The following STXBP5L variants were observed in gnomAD, a reference collection of about 807,000 sequenced individuals.
The protein encoded by STXBP5L is syntaxin binding protein 5L, also known as syntaxin-binding protein 5-like.
STXBP5L carries 65 observed loss-of-function variants against 144.5 expected under a neutral mutation model. The observed-to-expected ratio is 0.45, with a 90% CI of 0.37 to 0.55. The LOEUF (loss-of-function observed/expected upper bound fraction) is 0.55, where lower values mean the gene tolerates loss of function less well. STXBP5L is among the 20% of genes least tolerant of loss of function. The pLI is 0.00. For missense variants in STXBP5L, 1,298 were observed against 1,405.5 expected (o/e 0.92, Z 1.22); for synonymous variants, 505 against 469.6 (o/e 1.08, Z -0.97).
intron 3 of STXBP5L, among the ~76,000 whole-genome samples, chr3:120,961,576 A>T (rs1418857523): frequency 6.6e-6 from 1 of 152,196 alleles, no homozygotes; most frequent in African/African-American, 2.4e-5. Context: ...TTCCAGCTTC[A>T]TCCATGTCCC....
intron 20 of STXBP5L, among the ~76,000 whole-genome samples, chr3:121,348,907 A>G (rs1299308122): frequency 6.6e-6 from 1 of 152,034 alleles, no homozygotes; most frequent in African/African-American, 2.4e-5. Flanking sequence ...TCAAAAAACC[A>G]ACTCCTGGAT....
intron 3 of STXBP5L, among the ~76,000 whole-genome samples, chr3:120,990,805 C>G (rs1013897467): frequency 6.6e-6 from 1 of 152,162 alleles, no homozygotes; most frequent in African/African-American, 2.4e-5. Context: ...GGATCCCTTC[C>G]TTACACGTTA....
intron 3 of STXBP5L, among the ~76,000 whole-genome samples, chr3:120,959,780 T>C (rs1057413538): frequency 6.6e-6 from 1 of 152,140 alleles, no homozygotes; most frequent in African/African-American, 2.4e-5. Context: ...AATTAAATGT[T>C]AGACCTAAAA....
chr3:121,322,310 C>T (rs1262956664), intron 20 of STXBP5L, among the ~76,000 whole-genome samples: 1 of 152,026 alleles, frequency 6.6e-6, no homozygotes, highest in Non-Finnish European at 1.5e-5. Context: ...GAAACCCAGT[C>T]TCTACTAAAA....
At chr3:121,077,873 G>C (rs545916026) in intron 5 of STXBP5L, among the ~76,000 whole-genome samples, 84 of 152,144 alleles carry the variant, frequency 5.5e-4, no homozygotes, top group Middle Eastern at 3.4e-3. Context: ...GTGCTGATTG[G>C]TGTGTTTACA....
chr3:121,139,135 A>T (rs767781379), intron 7 of STXBP5L, among the ~76,000 whole-genome samples: 2 of 152,004 alleles, frequency 1.3e-5, no homozygotes, highest in East Asian at 3.9e-4. Flanking sequence ...ACAAAATTAC[A>T]TCTATATGGA....
chr3:120,969,559 C>A lies in STXBP5L; in HGVS notation c.287+14522C>A, dbSNP rs1411203419. On this transcript the variant is annotated intron_variant, in intron 3 of 26. Coordinates refer to ENST00000471454, the MANE Select transcript of STXBP5L (RefSeq NM_001308330.2). ...CAGAGCTTTTTAGTTTAATTAGGTC[C>A]CATTTATTTTTGGTTTTGTTGTATT... is the stretch of plus-strand genomic sequence containing the variant. Among the ~76,000 whole-genome samples the A allele has an allele frequency of 2.0e-5, 3 of 151,362 alleles. No individual in the cohort carries two copies. In the East Asian group the frequency reaches 5.8e-4, roughly 29 times the overall value.
At chr3:121,074,072 T>C (rs1008103139) in intron 5 of STXBP5L, among the ~76,000 whole-genome samples, 17 of 152,186 alleles carry the variant, frequency 1.1e-4, no homozygotes, top group African/African-American at 4.1e-4. Flanking sequence ...GACACAGGGG[T>C]CACTTGGTGG....
chr3:120,973,525 C>A (rs1338388817), intron 3 of STXBP5L, among the ~76,000 whole-genome samples: 2 of 151,714 alleles, frequency 1.3e-5, no homozygotes, highest in African/African-American at 4.8e-5. Flanking sequence ...AGAATACTAA[C>A]TTTTCATTTC....
chr3:121,040,492 T>G lies in STXBP5L; in HGVS notation c.288-1208T>G, dbSNP rs144076162. On this transcript the variant is annotated intron_variant, in intron 3 of 26. Coordinates refer to ENST00000471454, the MANE Select transcript of STXBP5L (RefSeq NM_001308330.2). ...TTTATTCTTCAAGAAGGATGCTTTTTCTTCTTGGTTTGTTCTTTCCTCAGT... is the reference window on the plus strand; with the variant it reads ...TTTATTCTTCAAGAAGGATGCTTTTGCTTCTTGGTTTGTTCTTTCCTCAGT... Among the ~76,000 whole-genome samples, 907 of 152,246 alleles carry G rather than the reference T, an allele frequency of 6.0e-3. 8 individuals are homozygous for G. Among genetic ancestry groups the G allele is most frequent in the African/African-American group, 0.02 (836 of 41,568 alleles).
intron 6 of STXBP5L, among the ~76,000 whole-genome samples, chr3:121,117,907 T>C (rs2044300432): frequency 6.6e-6 from 1 of 151,756 alleles, no homozygotes; most frequent in Non-Finnish European, 1.5e-5. Flanking sequence ...AACTAAACTA[T>C]CATTAAAAAA....
intron 22 of STXBP5L, among the ~76,000 whole-genome samples, chr3:121,383,356 C>T (rs187314862): frequency 6.6e-6 from 1 of 151,964 alleles, no homozygotes; most frequent in Admixed American, 6.6e-5. Context: ...ATAATCTCAC[C>T]ACTGCACTCC....
chr3:121,401,481 C>T (rs530756791), intron 22 of STXBP5L, among the ~76,000 whole-genome samples: 132 of 146,522 alleles, frequency 9.0e-4, no homozygotes, highest in African/African-American at 3.3e-3. Flanking sequence ...ATAGCAAAGA[C>T]TTGGAACCAA....
rs1019864973 is a variant in STXBP5L at position 120,967,273 on chromosome 3, C to T, written c.287+12236C>T. On this transcript the variant is annotated intron_variant, in intron 3 of 26. Transcript: ENST00000471454. Reference sequence around the variant, plus strand: ...ACTTCCTGGGTGAGACAATGCATCACCCTGCTTCAGCTCACCCTCCGTGGG... The same window carrying T: ...ACTTCCTGGGTGAGACAATGCATCATCCTGCTTCAGCTCACCCTCCGTGGG... Among the ~76,000 whole-genome samples the T allele has an allele frequency of 3.3e-5, 5 of 152,202 alleles. No individual in the cohort carries two copies. In the East Asian group the frequency reaches 5.8e-4, roughly 18 times the overall value.
chr3:121,091,093 A>G (rs1276925312), intron 5 of STXBP5L, among the ~76,000 whole-genome samples: 1 of 150,214 alleles, frequency 6.7e-6, no homozygotes, highest in East Asian at 1.9e-4. Flanking sequence ...CCATGTCCCT[A>G]CAAAGGACAT....
At chr3:121,327,328 G>A (rs1210856095) in intron 20 of STXBP5L, among the ~76,000 whole-genome samples, 2 of 152,162 alleles carry the variant, frequency 1.3e-5, no homozygotes, top group Non-Finnish European at 2.9e-5. Context: ...CCAAACTGTT[G>A]ATTACTCTGC....
intron 5 of STXBP5L, among the ~76,000 whole-genome samples, chr3:121,094,698 C>G (rs958878516): frequency 6.6e-6 from 1 of 152,208 alleles, no homozygotes; most frequent in Non-Finnish European, 1.5e-5. Context: ...CTGAATACAA[C>G]ACACTGATGG....
chr3:121,065,858 A>T (rs1352302087), intron 5 of STXBP5L, among the ~76,000 whole-genome samples: 1 of 152,170 alleles, frequency 6.6e-6, no homozygotes, highest in Non-Finnish European at 1.5e-5. Context: ...TGTTGTTGGT[A>T]GCATTCATAT....
chr3:121,017,090 T>A (rs1280937769), intron 3 of STXBP5L, among the ~76,000 whole-genome samples: 1 of 152,242 alleles, frequency 6.6e-6, no homozygotes, highest in East Asian at 1.9e-4. Context: ...TTATACACTA[T>A]GACCAAGTGG....
Sources: gnomAD v4.1 joint callset for allele counts (sites outside exome capture counted in the v4.1 genomes callset) on GRCh38, gnomAD v4.1.1 for gene constraint, MANE v1.5 for transcripts, NCBI Gene and HGNC (gene_info 2026-07-23, HGNC 2026-07-21) for gene names.